The following GALNT15 variants were observed in gnomAD, a reference collection of about 807,000 sequenced individuals.
GALNT15 encodes UDP-GalNAc transferase T15.
A neutral mutation model predicts 66.8 loss-of-function variants in GALNT15; 67 were observed. That is an observed-to-expected ratio of 1.00 (90% CI 0.82 to 1.23). The LOEUF (loss-of-function observed/expected upper bound fraction) is 1.23, where lower values mean the gene tolerates loss of function less well. Ranked by LOEUF, GALNT15 falls within the 50% of genes most tolerant of loss-of-function variation. The pLI, the probability that GALNT15 is intolerant of heterozygous loss-of-function variation, is 0.00. For synonymous variants in GALNT15, 313 were observed against 311.5 expected (o/e 1.00, Z -0.05); for missense variants, 827 against 804.3 (o/e 1.03, Z -0.34).
rs116241038 is a variant in GALNT15, at chr3:16,180,642, G to A, written c.539+4952G>A. On this transcript the variant is annotated intron_variant, in intron 1 of 9. Transcript: ENST00000339732. The surrounding 1 kb of genome is among the most constrained non-coding windows in gnomAD (Gnocchi z 5.0). The stretch of plus-strand genomic sequence containing the variant: ...CTGGGGAACTACTGGTAGAGAAAGC[G>A]AGTGGAGAGCTGGTAGAGTTTGGGA... Among the ~76,000 whole-genome samples the A allele has an allele frequency of 0.011, 1,616 of 152,340 alleles. 13 individuals are homozygous for A. Among genetic ancestry groups the A allele is most frequent in the Middle Eastern group, 0.041 (12 of 294 alleles).
chr3:16,205,561 C>CT (rs749133894), intron 3 of GALNT15, among the ~76,000 whole-genome samples: 3 of 152,234 alleles, frequency 2.0e-5, no homozygotes, highest in Non-Finnish European at 4.4e-5. Flanking sequence ...AGGTGAGGGA[C>CT]TGACGAAGTA....
rs140068093 is a variant in GALNT15, at chr3:16,225,854, T to G, written c.1774-1500T>G. 7.6e-4 allele frequency among the ~76,000 whole-genome samples: 116 copies of G among 152,096 alleles called. No individual in the cohort carries two copies. The East Asian group carries it at 0.022, about 29-fold the overall frequency. On this transcript the variant is annotated intron_variant, in intron 9 of 9. Coordinates refer to ENST00000339732, the MANE Select transcript of GALNT15 (RefSeq NM_054110.5). The surrounding 1 kb of genome is among the most constrained non-coding windows in gnomAD (Gnocchi z 4.4). Reference sequence around the variant, plus strand: ...GAGTTCGAGACCAGCCTGGCCAATATGGGTTTTTAGTAGAGAAAACCCATC... The same window carrying G: ...GAGTTCGAGACCAGCCTGGCCAATAGGGGTTTTTAGTAGAGAAAACCCATC...
At chr3:16,194,348 T>C (rs967362492) in intron 1 of GALNT15, among the ~76,000 whole-genome samples, 1 of 152,276 alleles carries the variant, frequency 6.6e-6, no homozygotes, top group East Asian at 1.9e-4. Flanking sequence ...TAGAAGTGTC[T>C]GTTCATGTCC....
Position 16,219,708 on chromosome 3 carries a change from C to T in GALNT15, c.1524+174C>T, listed in dbSNP as rs1291860274. The stretch of plus-strand genomic sequence containing the variant: ...TCTGAGGAAGGTGGCTGAGTTTTGC[C>T]CCATTACCCACCCCAAAGCACCTCC... On this transcript the variant is annotated intron_variant, in intron 7 of 9. Transcript: ENST00000339732. This position sits in a 1 kb window ranked among gnomAD's most constrained non-coding sequence, Gnocchi z 4.3. Among the ~76,000 whole-genome samples, 1 of 152,210 alleles carries T rather than the reference C, an allele frequency of 6.6e-6. No individual in the cohort carries two copies. Among genetic ancestry groups the T allele is most frequent in the Non-Finnish European group, 1.5e-5 (1 of 68,038 alleles).
chr3:16,221,256 C>CT (rs60472018), intron 8 of GALNT15, among the ~76,000 whole-genome samples: 13,694 of 140,146 alleles, frequency 0.098, 751 homozygotes, highest in Non-Finnish European at 0.12. Context: ...CTTTCTTGTT[C>CT]TTTTTTTTTT....
intron 1 of GALNT15, among the ~76,000 whole-genome samples, chr3:16,192,316 C>T (rs554041563): frequency 6.6e-6 from 1 of 152,206 alleles, no homozygotes; most frequent in Non-Finnish European, 1.5e-5. Flanking sequence ...CATAGCCGTG[C>T]TCTCTTCTTG....
intron 1 of GALNT15, among the ~76,000 whole-genome samples, chr3:16,185,357 A>G (rs1474724958): frequency 6.6e-6 from 1 of 152,246 alleles, no homozygotes; most frequent in Admixed American, 6.5e-5. Flanking sequence ...CAGATGAAGG[A>G]AAGTATTTTG....
At position 16,178,751 on chromosome 3, in the gene GALNT15, C is replaced by A. The variant is rs568236267; in HGVS notation, c.539+3061C>A. The stretch of plus-strand genomic sequence containing the variant: ...GCCACAATACAACACAGAAGAGAAA[C>A]AGGCATATATTAAGTGCCTGCAGTA... On this transcript the variant is annotated intron_variant, in intron 1 of 9. Coordinates refer to ENST00000339732, the MANE Select transcript of GALNT15 (RefSeq NM_054110.5). Among the ~76,000 whole-genome samples, 4 of 152,320 alleles carry A rather than the reference C, an allele frequency of 2.6e-5. No homozygotes were observed. The East Asian group carries it at 7.7e-4, about 29-fold the overall frequency.
At chr3:16,212,142 C>T (rs1197084862) in intron 5 of GALNT15, among the ~76,000 whole-genome samples, 1 of 152,158 alleles carries the variant, frequency 6.6e-6, no homozygotes, top group Non-Finnish European at 1.5e-5. Flanking sequence ...CTGTCTCTAC[C>T]ACAAACAGCT....
intron 6 of GALNT15, among the ~76,000 whole-genome samples, chr3:16,214,592 C>A (rs1379840636): frequency 6.6e-6 from 1 of 151,900 alleles, no homozygotes; most frequent in East Asian, 1.9e-4. Context: ...CTGTGCCAGG[C>A]CCTGGGTGGG....
At chr3:16,178,265 CTGTG>C (rs968098211) in intron 1 of GALNT15, among the ~76,000 whole-genome samples, 7 of 151,986 alleles carry the variant, frequency 4.6e-5, no homozygotes, top group African/African-American at 1.7e-4. Context: ...ACATTTTGTG[CTGTG>C]TGTGTTTGAT....
chr3:16,185,985 G>A (rs1037138076), intron 1 of GALNT15, among the ~76,000 whole-genome samples: 3 of 152,064 alleles, frequency 2.0e-5, no homozygotes, highest in African/African-American at 7.2e-5. Flanking sequence ...TGCTTCAAAA[G>A]ATGTCATCAA....
In GALNT15 at chr3:16,197,120, G is replaced by T. The variant is rs193041554; in HGVS notation, c.706+1194G>T. Among the ~76,000 whole-genome samples the T allele has an allele frequency of 5.4e-4, 82 of 152,340 alleles. 1 individual carries two copies. The Middle Eastern group carries it at 0.02, about 38-fold the overall frequency. ...CAGAGACTCTCCAAACCCTCAAGTG[G>T]GGCGGGGTCCGCCCAAGAGCACACC... On this transcript the variant is annotated intron_variant, in intron 2 of 9. Coordinates refer to ENST00000339732, the MANE Select transcript of GALNT15 (RefSeq NM_054110.5).
chr3:16,191,251 C>A lies in GALNT15; in HGVS notation c.540-4509C>A. 1 of 761,498 alleles carries A rather than the reference C, an allele frequency of 1.3e-6. No individual in the cohort carries two copies. Among genetic ancestry groups the A allele is most frequent in the Non-Finnish European group, 1.6e-6 (1 of 625,680 alleles). The allele number at this position is 761,498 out of a possible 1,614,324, so 47.2% of individuals were successfully genotyped here. A position where few individuals can be genotyped will look rare whatever the true frequency, so the allele number is the denominator to read the frequency against. Reference sequence around the variant, plus strand: ...CTTATTTTTCTGCCTCCTTCTTCCTCCTGCTGCGGGAAGGAGCCCCCAAAG... The same window carrying A: ...CTTATTTTTCTGCCTCCTTCTTCCTACTGCTGCGGGAAGGAGCCCCCAAAG... On this transcript the variant is annotated intron_variant, in intron 1 of 9. Transcript: ENST00000339732. This position sits in a 1 kb window ranked among gnomAD's most constrained non-coding sequence, Gnocchi z 5.2.
chr3:16,231,907 A>G, downstream of GALNT15: 3 of 1,535,578 alleles, frequency 2.0e-6, no homozygotes, highest in Non-Finnish European at 2.6e-6. This position sits in a 1 kb window ranked among gnomAD's most constrained non-coding sequence, Gnocchi z 4.1. Context: ...ATCCTCAAGA[A>G]GGCACTGCCG....
intron 6 of GALNT15, among the ~76,000 whole-genome samples, chr3:16,215,152 CA>C (rs1179800274): frequency 2.6e-5 from 4 of 152,234 alleles, no homozygotes; most frequent in Non-Finnish European, 5.9e-5. Flanking sequence ...CAACAGCATG[CA>C]AATTATTTAC....
At chr3:16,179,465 G>A (rs766910876) in intron 1 of GALNT15, among the ~76,000 whole-genome samples, 2 of 152,164 alleles carry the variant, frequency 1.3e-5, no homozygotes, top group African/African-American at 2.4e-5. Flanking sequence ...AGACAGTTGC[G>A]GAAATGCTTA....
chr3:16,232,499 TATATATATA>T (rs2064094245), downstream of GALNT15, among the ~76,000 whole-genome samples: 3 of 88,458 alleles, frequency 3.4e-5, no homozygotes, highest in African/African-American at 1.4e-4. Flanking sequence ...TATATATATA[TATATATATA>T]TATTTATTTA....
intron 3 of GALNT15, among the ~76,000 whole-genome samples, chr3:16,206,018 A>G (rs904526658): frequency 2.0e-5 from 3 of 152,238 alleles, no homozygotes; most frequent in African/African-American, 7.2e-5. Flanking sequence ...AAACAAAAAG[A>G]GAAACATAAT....
Sources: allele counts gnomAD v4.1 joint callset (sites outside exome capture counted in the v4.1 genomes callset), GRCh38; gene constraint gnomAD v4.1.1; non-coding constraint Gnocchi (gnomAD v3.1); transcripts MANE v1.5; gene names NCBI Gene and HGNC (gene_info 2026-07-23, HGNC 2026-07-21).